Variants in KHDRBS2 observed in about 807,000 individuals in gnomAD.
The protein encoded by KHDRBS2 is KH domain-containing, RNA-binding, signal transduction-associated protein 2.
Under a neutral mutation model 44.3 loss-of-function variants are expected in KHDRBS2, and 26 were observed. The observed-to-expected ratio is 0.59, with a 90% CI of 0.43 to 0.81. The LOEUF (loss-of-function observed/expected upper bound fraction) is 0.81, where lower values mean the gene tolerates loss of function less well. Among genes scored for constraint, KHDRBS2 ranks in the 40% least tolerant of loss-of-function variants. KHDRBS2 has a pLI of 0.00. For missense variants in KHDRBS2, 476 were observed against 433.1 expected (o/e 1.10, Z -0.88); for synonymous variants, 194 against 151.1 (o/e 1.28, Z -2.08).
At chr6:61,710,296 C>A (rs566351487) in intron 7 of KHDRBS2, among the ~76,000 whole-genome samples, 1 of 151,808 alleles carries the variant, frequency 6.6e-6, no homozygotes, top group African/African-American at 2.4e-5. Context: ...CTGCTTACTA[C>A]AAAACATTAG....
intron 7 of KHDRBS2, among the ~76,000 whole-genome samples, chr6:61,710,306 G>T (rs1219209946): frequency 6.6e-6 from 1 of 151,696 alleles, no homozygotes; most frequent in Non-Finnish European, 1.5e-5. Flanking sequence ...CAAAACATTA[G>T]TAATAATGCC....
intron 6 of KHDRBS2, among the ~76,000 whole-genome samples, chr6:61,749,009 C>CT (rs34423906): frequency 0.042 from 4,129 of 97,252 alleles, 379 homozygotes; most frequent in African/African-American, 0.12. Flanking sequence ...TTCTTTCTTT[C>CT]TTTTTTTTTT....
intron 1 of KHDRBS2, among the ~76,000 whole-genome samples, chr6:62,211,616 C>T (rs114577851): frequency 2.3e-4 from 35 of 152,122 alleles, no homozygotes; most frequent in African/African-American, 7.9e-4. Context: ...TTTAAAAAAA[C>T]ATTTATTTTA....
chr6:62,089,501 C>T (rs545856905), intron 2 of KHDRBS2, among the ~76,000 whole-genome samples: 3 of 152,240 alleles, frequency 2.0e-5, no homozygotes, highest in East Asian at 3.9e-4. Context: ...ACCCCTTGCA[C>T]TTTTCAGGTG....
At chr6:61,906,456 A>G (rs1450723287) in intron 4 of KHDRBS2, among the ~76,000 whole-genome samples, 2 of 151,976 alleles carry the variant, frequency 1.3e-5, no homozygotes, top group African/African-American at 4.8e-5. Flanking sequence ...CGTTGACTAT[A>G]TTCACTTCAT....
At chr6:61,608,177 A>C in the KHDRBS2 span, among the ~76,000 whole-genome samples, 2 of 152,158 alleles carry the variant, frequency 1.3e-5, no homozygotes, top group African/African-American at 4.8e-5. Flanking sequence ...AGAATACTGA[A>C]TTATGAATTA....
At chr6:61,654,064 GA>G in the KHDRBS2 span, among the ~76,000 whole-genome samples, 1 of 151,874 alleles carries the variant, frequency 6.6e-6, no homozygotes. Flanking sequence ...AAAGCATAAG[GA>G]ATAGAATTTT....
intron 7 of KHDRBS2, among the ~76,000 whole-genome samples, chr6:61,719,220 C>T (rs184632311): frequency 6.6e-6 from 1 of 152,308 alleles, no homozygotes; most frequent in East Asian, 1.9e-4. Context: ...TAACATTTCA[C>T]ATCCAAATTA....
chr6:61,824,525 G>A (rs75094395), intron 6 of KHDRBS2, among the ~76,000 whole-genome samples: 4,537 of 152,092 alleles, frequency 0.03, 226 homozygotes, highest in African/African-American at 0.1. Context: ...ATAAACTACC[G>A]AGTCTCGGGT....
At chr6:62,104,416 A>G (rs187407846) in intron 2 of KHDRBS2, among the ~76,000 whole-genome samples, 101 of 152,320 alleles carry the variant, frequency 6.6e-4, no homozygotes, top group African/African-American at 2.2e-3. Flanking sequence ...AGCATTAGGT[A>G]TATTTGAAAT....
At chr6:61,830,789 GTAA>G (rs1461720157) in intron 6 of KHDRBS2, among the ~76,000 whole-genome samples, 1 of 152,060 alleles carries the variant, frequency 6.6e-6, no homozygotes, top group Admixed American at 6.6e-5. Context: ...GAGCTTATTG[GTAA>G]TAATATACTG....
At chr6:61,944,751 A>G (rs545753118) in intron 4 of KHDRBS2, among the ~76,000 whole-genome samples, 1 of 152,230 alleles carries the variant, frequency 6.6e-6, no homozygotes, top group African/African-American at 2.4e-5. Flanking sequence ...TATGTAAAAA[A>G]TACTCACATG....
chr6:61,685,596 C>A lies in KHDRBS2; in HGVS notation c.953-4536G>T, dbSNP rs113273700. On this transcript the variant is annotated intron_variant, in intron 8 of 8. Coordinates refer to ENST00000281156, the MANE Select transcript of KHDRBS2 (RefSeq NM_152688.4). ...ATTTTACCCAGTGAATCAGGTTTTA[C>A]AGACTGCCTAGAGTGCATCTCTATT... Among the ~76,000 whole-genome samples, 501 of 151,892 alleles carry A rather than the reference C, an allele frequency of 3.3e-3. 6 individuals carry two copies. The highest frequency in any genetic ancestry group is 0.012 in the African/African-American group (484 of 41,496).
intron 6 of KHDRBS2, among the ~76,000 whole-genome samples, chr6:61,887,585 A>G (rs1195132470): frequency 6.6e-6 from 1 of 152,198 alleles, no homozygotes; most frequent in African/African-American, 2.4e-5. Flanking sequence ...GGCCAGCTGC[A>G]AGGAGTGGAT....
At chr6:61,554,242 C>T in the KHDRBS2 span, among the ~76,000 whole-genome samples, 1 of 152,086 alleles carries the variant, frequency 6.6e-6, no homozygotes, top group Non-Finnish European at 1.5e-5. Context: ...AGCCCTTAAC[C>T]ATTAAGTAAT....
chr6:61,608,449 A>G, the KHDRBS2 span, among the ~76,000 whole-genome samples: 1 of 151,498 alleles, frequency 6.6e-6, no homozygotes, highest in African/African-American at 2.4e-5. Context: ...TTCTTTTTTA[A>G]TTAGGTATAA....
chr6:62,059,279 GGAAAAAGGCAGTGACA>G (rs1791125584), intron 2 of KHDRBS2, among the ~76,000 whole-genome samples: 1 of 128,240 alleles, frequency 7.8e-6, no homozygotes, highest in Admixed American at 9.1e-5. Flanking sequence ...AGCTGGGTAT[GGAAAAAGGCAGTGACA>G]GAAACAAGTT....
chr6:61,650,500 A>T, the KHDRBS2 span, among the ~76,000 whole-genome samples: 2 of 152,112 alleles, frequency 1.3e-5, no homozygotes, highest in South Asian at 2.1e-4. Flanking sequence ...ACATAAATTC[A>T]TAAAAATAAG....
At chr6:62,051,086 T>A (rs1788925028) in intron 2 of KHDRBS2, among the ~76,000 whole-genome samples, 2 of 151,918 alleles carry the variant, frequency 1.3e-5, no homozygotes. Flanking sequence ...TTCATAAGAG[T>A]GGTTGTCTGT....
Sources: gnomAD v4.1 joint callset for allele counts (sites outside exome capture counted in the v4.1 genomes callset) on GRCh38, gnomAD v4.1.1 for gene constraint, MANE v1.5 for transcripts, NCBI Gene and HGNC (gene_info 2026-07-23, HGNC 2026-07-21) for gene names.